The following CNGB3 variants were observed in gnomAD, a reference collection of about 807,000 sequenced individuals.
The protein encoded by CNGB3 is cyclic nucleotide-gated channel beta-3.
Under a neutral mutation model 92.8 loss-of-function variants are expected in CNGB3, and 86 were observed. The observed-to-expected ratio is 0.93, with a 90% CI of 0.78 to 1.11. The LOEUF (loss-of-function observed/expected upper bound fraction) is 1.11. CNGB3 is among the 50% of genes least tolerant of loss of function. The probability of loss-of-function intolerance (pLI) is 0.00; values close to 1 mark genes in which losing one functional copy is unlikely to be tolerated. For missense variants in CNGB3, 1,026 were observed against 956.8 expected (o/e 1.07, Z -0.95); for synonymous variants, 333 against 332.7 (o/e 1.00, Z -0.01).
intron 6 of CNGB3, chr8:86,661,835 A>G: frequency 6.9e-7 from 1 of 1,456,758 alleles, no homozygotes; most frequent in Admixed American, 1.7e-5. Context: ...TGTTCTCAGT[A>G]TCTTCTGGAC....
chr8:86,670,755 C>T (rs1448852274), intron 4 of CNGB3, among the ~76,000 whole-genome samples, 189 bp downstream of exon 4: 3 of 152,096 alleles, frequency 2.0e-5, no homozygotes, highest in Non-Finnish European at 4.4e-5. Context: ...CTCTTATTAA[C>T]CCATCTGTAC....
chr8:86,707,733 C>G (rs1388307993), intron 3 of CNGB3: 1 of 152,016 alleles, frequency 6.6e-6, no homozygotes, highest in African/African-American at 2.4e-5. Flanking sequence ...CATATGAGGG[C>G]AAAGATTGGA....
At chr8:86,676,487 A>G (rs1399694565) in intron 3 of CNGB3, among the ~76,000 whole-genome samples, 1 of 152,190 alleles carries the variant, frequency 6.6e-6, no homozygotes, top group East Asian at 1.9e-4. Context: ...TTGATGGGGA[A>G]CCATGGCAGA....
At chr8:86,677,962 T>G (rs1162336193) in intron 3 of CNGB3, among the ~76,000 whole-genome samples, 1 of 152,234 alleles carries the variant, frequency 6.6e-6, no homozygotes, top group Non-Finnish European at 1.5e-5. Flanking sequence ...CTTTTAATTC[T>G]TAATTAAGAA....
intron 3 of CNGB3, among the ~76,000 whole-genome samples, chr8:86,691,407 T>C (rs1484954694): frequency 1.3e-5 from 2 of 152,208 alleles, no homozygotes; most frequent in African/African-American, 4.8e-5. Flanking sequence ...TCCAGTACTA[T>C]GTTGAATAGA....
intron 6 of CNGB3, among the ~76,000 whole-genome samples, chr8:86,666,018 C>T (rs1823734220): frequency 6.6e-6 from 1 of 152,214 alleles, no homozygotes; most frequent in Non-Finnish European, 1.5e-5. Flanking sequence ...TTGGTTCCTA[C>T]TACACAAAGA....
At chr8:86,672,262 C>A (rs1823875899) in intron 3 of CNGB3, among the ~76,000 whole-genome samples, 1 of 152,120 alleles carries the variant, frequency 6.6e-6, no homozygotes, top group Non-Finnish European at 1.5e-5. Flanking sequence ...CCACGCCTAG[C>A]TAATTTTTGT....
At chr8:86,630,727 A>G (rs543854695) in intron 11 of CNGB3, among the ~76,000 whole-genome samples, 1 of 152,082 alleles carries the variant, frequency 6.6e-6, no homozygotes, top group Non-Finnish European at 1.5e-5. Context: ...GAAAAGAATT[A>G]GCCAGGCATG....
intron 14 of CNGB3, among the ~76,000 whole-genome samples, chr8:86,606,092 C>T (rs759861848): frequency 6.6e-6 from 1 of 151,158 alleles, no homozygotes; most frequent in Non-Finnish European, 1.5e-5. Context: ...GCAAGAAATA[C>T]GTTTAAGTTT....
At chr8:86,705,707 T>C (rs1019609001) in intron 3 of CNGB3, among the ~76,000 whole-genome samples, 3 of 152,188 alleles carry the variant, frequency 2.0e-5, no homozygotes, top group Non-Finnish European at 4.4e-5. Flanking sequence ...GCCTGAGTTA[T>C]ATCCTTCTGG....
intron 2 of CNGB3, among the ~76,000 whole-genome samples, chr8:86,735,903 C>G (rs897465528): frequency 6.6e-6 from 1 of 152,048 alleles, no homozygotes; most frequent in Non-Finnish European, 1.5e-5. Flanking sequence ...CATTTCTACA[C>G]AAATAGGGTC....
intron 6 of CNGB3, chr8:86,661,972 C>CCTG: frequency 5.7e-6 from 3 of 529,832 alleles, no homozygotes; most frequent in Admixed American, 3.0e-5. Context: ...CAGTCCTGGC[C>CCTG]TCCGTGGTGT....
chr8:86,658,403 C>T, intron 6 of CNGB3: 1 of 426,872 alleles, frequency 2.3e-6, no homozygotes, highest in Non-Finnish European at 4.4e-6. Context: ...GGGCCTGTGG[C>T]TGCTACTTCT....
chr8:86,637,087 G>A (rs796247840), intron 10 of CNGB3, among the ~76,000 whole-genome samples: 3 of 152,206 alleles, frequency 2.0e-5, no homozygotes, highest in African/African-American at 7.2e-5. Context: ...GAGTGCAGAT[G>A]TCTCTTTGAG....
Position 86,628,914 on chromosome 8 carries a change from C to T in CNGB3, c.1480+5G>A, listed in dbSNP as rs1260515106. The T allele has an allele frequency of 1.9e-6, 3 of 1,613,492 alleles. No individual in the cohort carries two copies. The highest frequency in any genetic ancestry group is 2.5e-6 in the Non-Finnish European group (3 of 1,179,618). On this transcript the variant is annotated splice_donor_5th_base_variant and intron_variant, in intron 12 of 17. Coordinates refer to ENST00000320005, the MANE Select transcript of CNGB3 (RefSeq NM_019098.5). ...GGAATTTAATCGGTAATCTGCCATGCTTACCTAGCATTCTTTGAGAGTCCC... is the reference window on the plus strand; with the variant it reads ...GGAATTTAATCGGTAATCTGCCATGTTTACCTAGCATTCTTTGAGAGTCCC...
At chr8:86,693,405 C>T (rs1563756606) in intron 3 of CNGB3, among the ~76,000 whole-genome samples, 1 of 123,122 alleles carries the variant, frequency 8.1e-6, no homozygotes, top group Non-Finnish European at 1.6e-5. Flanking sequence ...TTATTGGAAA[C>T]TTTGTTCATT....
chr8:86,647,782 T>G lies in CNGB3; in HGVS notation c.990+19A>C. 1 of 1,219,946 alleles carries G rather than the reference T, an allele frequency of 8.2e-7. No homozygotes were observed. The highest frequency in any genetic ancestry group is 1.2e-6 in the Non-Finnish European group (1 of 822,186). 75.6% of individuals were successfully genotyped at this position (1,219,946 alleles called of 1,614,324 possible). ...ATTTCCATTATAAGGGAAAAGACAA[T>G]TAAATATAGTTATCTTACCTTTAAC... On this transcript the variant is annotated intron_variant, in intron 8 of 17. Transcript: ENST00000320005.
Position 86,694,025 on chromosome 8 carries a change from G to A in CNGB3, c.339-22927C>T, listed in dbSNP as rs549433452. Among the ~76,000 whole-genome samples the A allele has an allele frequency of 1.1e-4, 17 of 150,114 alleles. No homozygotes were observed. In the South Asian group the frequency reaches 1.5e-3, roughly 13 times the overall value. On this transcript the variant is annotated intron_variant, in intron 3 of 17. Transcript: ENST00000320005. The stretch of plus-strand genomic sequence containing the variant: ...TCCTCACTTCCCAGTAGGGGTGGCC[G>A]GGCAGAGGCGCCCCTCACCTCCCGG...
At chr8:86,599,163 T>G (rs1312946360) in intron 15 of CNGB3, among the ~76,000 whole-genome samples, 3 of 152,220 alleles carry the variant, frequency 2.0e-5, no homozygotes, top group Non-Finnish European at 4.4e-5. Context: ...AATTAATACT[T>G]TTATAATTTC....
Sources: gnomAD v4.1 joint callset for allele counts (sites outside exome capture counted in the v4.1 genomes callset) on GRCh38, gnomAD v4.1.1 for gene constraint, MANE v1.5 for transcripts, NCBI Gene and HGNC (gene_info 2026-07-23, HGNC 2026-07-21) for gene names.